ASCC3: variants seen among roughly 807,000 people sequenced by gnomAD.
ASCC3 encodes ASC-1 complex subunit P200.
ASCC3 carries 158 observed loss-of-function variants against 256.3 expected under a neutral mutation model. The ratio of observed to expected loss-of-function variants is 0.62; its 90% CI spans 0.54 to 0.70. The LOEUF (loss-of-function observed/expected upper bound fraction) is 0.70, where lower values mean the gene tolerates loss of function less well. Ranked by LOEUF, ASCC3 falls within the 30% of genes least tolerant of loss-of-function variation. ASCC3 has a pLI of 0.00. For synonymous variants in ASCC3, 948 were observed against 883.4 expected, an observed-to-expected ratio of 1.07 and a Z score of -1.30; for missense variants, 2,259 against 2,626.0, an observed-to-expected ratio of 0.86 and a Z score of 3.05.
At chr6:100,842,038 G>A (rs1318185397) in intron 4 of ASCC3, among the ~76,000 whole-genome samples, 1 of 152,202 alleles carries the variant, frequency 6.6e-6, no homozygotes, top group South Asian at 2.1e-4. Context: ...GCAGGGTAGA[G>A]GCTCTTCTGA....
At chr6:100,751,874 G>T (rs2115095301) in intron 10 of ASCC3, among the ~76,000 whole-genome samples, 1 of 152,142 alleles carries the variant, frequency 6.6e-6, no homozygotes, top group East Asian at 1.9e-4. Context: ...CTCCCTAAAA[G>T]AGAAGGAAAC....
chr6:100,545,438 A>G (rs187870058), intron 36 of ASCC3, among the ~76,000 whole-genome samples: 4 of 152,300 alleles, frequency 2.6e-5, no homozygotes, highest in African/African-American at 9.6e-5. Context: ...GGCCTCCCAA[A>G]GTGCTGGGAT....
chr6:100,655,870 A>T, intron 16 of ASCC3, 52 bp from the exon 17 acceptor site: 3 of 1,592,952 alleles, frequency 1.9e-6, no homozygotes, highest in Non-Finnish European at 2.6e-6. Flanking sequence ...GAACATAAAC[A>T]TTACATCAAA....
At chr6:100,729,722 G>T (rs1312982206) in intron 10 of ASCC3, among the ~76,000 whole-genome samples, 3 of 152,042 alleles carry the variant, frequency 2.0e-5, no homozygotes, top group African/African-American at 7.2e-5. Flanking sequence ...TGAAGCATAT[G>T]GCTAAAAAGT....
chr6:100,797,027 CTT>C (rs371533330), intron 8 of ASCC3, among the ~76,000 whole-genome samples: 153 of 152,156 alleles, frequency 1.0e-3, no homozygotes, highest in Middle Eastern at 3.4e-3. Flanking sequence ...CAGAAAAACT[CTT>C]TTACTCCAAG....
intron 11 of ASCC3, 116 bp from the exon 12 acceptor site, chr6:100,718,367 G>T: frequency 1.3e-6 from 1 of 765,956 alleles, no homozygotes. Context: ...GAGTGTAGAG[G>T]TCAATTGAGG....
chr6:100,652,252 T>C (rs1775709716), intron 18 of ASCC3, among the ~76,000 whole-genome samples: 1 of 152,060 alleles, frequency 6.6e-6, no homozygotes, highest in African/African-American at 2.4e-5. Flanking sequence ...AAAGTTACTT[T>C]GACAAAATGA....
At chr6:100,534,297 C>A (rs575519663) in intron 37 of ASCC3, among the ~76,000 whole-genome samples, 3 of 152,076 alleles carry the variant, frequency 2.0e-5, no homozygotes, top group African/African-American at 7.2e-5. Flanking sequence ...AAAAAATACA[C>A]AAAAAAGGCA....
intron 1 of ASCC3, among the ~76,000 whole-genome samples, chr6:100,868,449 T>C (rs1353171541): frequency 6.6e-6 from 1 of 152,226 alleles, no homozygotes; most frequent in African/African-American, 2.4e-5. Context: ...GATGTTCGTA[T>C]AGCTGGCTTC....
intron 36 of ASCC3, among the ~76,000 whole-genome samples, chr6:100,540,796 T>C (rs2114664335): frequency 6.6e-6 from 1 of 152,040 alleles, no homozygotes; most frequent in South Asian, 2.1e-4. Context: ...TTTTAGAGGG[T>C]GAGGGAAAGC....
rs1170422124 is a variant in ASCC3 at position 100,835,924 on chromosome 6, T to C, written c.801+12224A>G. Among the ~76,000 whole-genome samples, 3 of 152,258 alleles carry C rather than the reference T, an allele frequency of 2.0e-5. No homozygotes were observed. In the East Asian group the frequency reaches 5.8e-4, roughly 29 times the overall value. ...TTATCTGCATCTTCTTCAATTTATT[T>C]CATCAATGTTTTATATGTTTTCAAT... On this transcript the variant is annotated intron_variant, in intron 4 of 41. Coordinates refer to ENST00000369162, the MANE Select transcript of ASCC3 (RefSeq NM_006828.4).
intron 14 of ASCC3, among the ~76,000 whole-genome samples, chr6:100,671,211 C>A (rs1229355604): frequency 6.6e-6 from 1 of 151,892 alleles, no homozygotes; most frequent in Non-Finnish European, 1.5e-5. Flanking sequence ...AAATGAAGGA[C>A]AAAGAGATGG....
intron 38 of ASCC3, 39 bp from the exon 39 acceptor site, chr6:100,516,366 C>T (rs1282910522): frequency 1.2e-6 from 2 of 1,611,766 alleles, no homozygotes; most frequent in South Asian, 1.1e-5. Flanking sequence ...AATTGTTTCA[C>T]AGCACAAAGA....
At chr6:100,797,478 G>GAAA (rs754867943) in intron 8 of ASCC3, among the ~76,000 whole-genome samples, 7 of 113,448 alleles carry the variant, frequency 6.2e-5, no homozygotes, top group African/African-American at 1.3e-4. Flanking sequence ...AAAAAAAAAT[G>GAAA]AAAAAAAAAA....
intron 10 of ASCC3, among the ~76,000 whole-genome samples, chr6:100,726,641 C>G (rs2115041268): frequency 6.6e-6 from 1 of 152,054 alleles, no homozygotes; most frequent in Middle Eastern, 3.4e-3. Context: ...AAAATCCTTT[C>G]TAGTATTTTG....
intron 18 of ASCC3, among the ~76,000 whole-genome samples, chr6:100,652,479 C>T (rs932815113): frequency 7.9e-5 from 12 of 152,052 alleles, no homozygotes; most frequent in African/African-American, 2.9e-4. Context: ...GCAAATGTGC[C>T]TTGACTATTT....
intron 36 of ASCC3, among the ~76,000 whole-genome samples, chr6:100,582,715 C>T (rs1490846046): frequency 2.0e-5 from 3 of 151,894 alleles, no homozygotes; most frequent in Non-Finnish European, 2.9e-5. Context: ...ATGATATTGG[C>T]TGTGGGTTTG....
intron 24 of ASCC3, among the ~76,000 whole-genome samples, chr6:100,639,264 G>A (rs1582613738): frequency 6.6e-6 from 1 of 152,312 alleles, no homozygotes; most frequent in East Asian, 1.9e-4. Flanking sequence ...AACTATTGTT[G>A]TCAATGGAAA....
chr6:100,806,021 A>G, intron 4 of ASCC3, 141 bp from the exon 5 acceptor site: 1 of 725,718 alleles, frequency 1.4e-6, no homozygotes, highest in South Asian at 2.1e-5. Context: ...TGGTACCTTA[A>G]ACTAAGAAAA....
Sources: allele counts gnomAD v4.1 joint callset (sites outside exome capture counted in the v4.1 genomes callset), GRCh38; gene constraint gnomAD v4.1.1; transcripts MANE v1.5; gene names NCBI Gene and HGNC (gene_info 2026-07-23, HGNC 2026-07-21).